BCL2: variants seen among roughly 807,000 people sequenced by gnomAD.
BCL2 encodes the protein apoptosis regulator Bcl-2.
In BCL2, 1 loss-of-function variant was observed where a neutral mutation model predicts 14.2. The ratio of observed to expected loss-of-function variants is 0.07; its 90% CI spans 0.02 to 0.33. BCL2 has a LOEUF of 0.33. Among genes scored for constraint, BCL2 ranks in the 10% least tolerant of loss-of-function variants. BCL2 has a pLI of 0.99. For synonymous variants in BCL2, 151 were observed against 137.2 expected, an observed-to-expected ratio of 1.10 and a Z score of -0.70; for missense variants, 247 against 305.9, an observed-to-expected ratio of 0.81 and a Z score of 1.44.
intron 2 of BCL2, among the ~76,000 whole-genome samples, chr18:63,197,887 A>G (rs1012741632): frequency 6.6e-6 from 1 of 152,220 alleles, no homozygotes; most frequent in Non-Finnish European, 1.5e-5. Flanking sequence ...AAAGAAATAT[A>G]AAACAAACAG....
intron 2 of BCL2, among the ~76,000 whole-genome samples, chr18:63,247,075 A>G (rs190801620): frequency 2.0e-4 from 30 of 152,320 alleles, no homozygotes; most frequent in South Asian, 6.2e-4. Flanking sequence ...CATGATTCCT[A>G]TTGAATTTTC....
intron 2 of BCL2, among the ~76,000 whole-genome samples, chr18:63,182,362 C>T (rs1568226707): frequency 6.6e-6 from 1 of 152,160 alleles, no homozygotes; most frequent in Non-Finnish European, 1.5e-5. Context: ...GAAACAGAGC[C>T]CTGTGAAGAA....
intron 2 of BCL2, among the ~76,000 whole-genome samples, chr18:63,201,804 A>G (rs1184182408): frequency 2.0e-5 from 3 of 152,050 alleles, no homozygotes; most frequent in Admixed American, 1.3e-4. Context: ...TAGGGAGGAG[A>G]ACATCACACA....
At chr18:63,310,603 C>T (rs1465834244) in intron 2 of BCL2, among the ~76,000 whole-genome samples, 2 of 152,086 alleles carry the variant, frequency 1.3e-5, no homozygotes, top group African/African-American at 4.8e-5. Context: ...GACATTTTTT[C>T]GCTTAACTAA....
chr18:63,180,077 C>T (rs1418214679), intron 2 of BCL2, among the ~76,000 whole-genome samples: 1 of 152,236 alleles, frequency 6.6e-6, no homozygotes, highest in Admixed American at 6.5e-5. Context: ...CACTATGCTT[C>T]ACCTGATTAG....
chr18:63,218,537 C>T (rs1287166254), intron 2 of BCL2, among the ~76,000 whole-genome samples: 1 of 146,062 alleles, frequency 6.8e-6, no homozygotes, highest in African/African-American at 2.5e-5. Context: ...TATCTCTCCA[C>T]AACCTCCCTG....
chr18:63,254,629 T>C (rs1911418200), intron 2 of BCL2, among the ~76,000 whole-genome samples: 1 of 152,118 alleles, frequency 6.6e-6, no homozygotes, highest in African/African-American at 2.4e-5. Context: ...TCAATACCAG[T>C]TTTTTATAGC....
chr18:63,233,326 C>G (rs903898123), intron 2 of BCL2, among the ~76,000 whole-genome samples: 2 of 152,218 alleles, frequency 1.3e-5, no homozygotes, highest in Admixed American at 6.5e-5. Flanking sequence ...AACATAACTT[C>G]AAGTGATAAA....
intron 2 of BCL2, among the ~76,000 whole-genome samples, chr18:63,226,923 A>T (rs895311553): frequency 6.6e-6 from 1 of 152,222 alleles, no homozygotes; most frequent in Non-Finnish European, 1.5e-5. Context: ...AGATAGATAA[A>T]TAGAGGACTG....
intron 2 of BCL2, among the ~76,000 whole-genome samples, chr18:63,258,267 T>C (rs373421218): frequency 1.6e-4 from 25 of 152,334 alleles, no homozygotes; most frequent in East Asian, 9.6e-4. Flanking sequence ...TAAATTTCTA[T>C]TGTTTTAAGC....
At chr18:63,310,633 T>C (rs1913285158) in intron 2 of BCL2, among the ~76,000 whole-genome samples, 1 of 152,214 alleles carries the variant, frequency 6.6e-6, no homozygotes, top group African/African-American at 2.4e-5. Flanking sequence ...CATAGAGCTT[T>C]GCATGGTGTA....
Position 63,274,277 on chromosome 18 carries a change from C to CTTTTTTT in BCL2, c.585+43798_585+43804dup, listed in dbSNP as rs74169950. Among the ~76,000 whole-genome samples, 353 of 86,744 alleles carry CTTTTTTT rather than the reference C, an allele frequency of 4.1e-3. 16 individuals are homozygous for CTTTTTTT. Among genetic ancestry groups the CTTTTTTT allele is most frequent in the African/African-American group, 0.01 (240 of 22,972 alleles). 56.9% of individuals were successfully genotyped at this position (86,744 alleles called of 152,430 possible). ...GGAGTCAAGCTTTTATAAAGATACT[C>CTTTTTTT]TTTTTTTTTTTTTTTTTTTTTTTGA... is the stretch of plus-strand genomic sequence containing the variant. On this transcript the variant is annotated intron_variant, in intron 2 of 2. Coordinates refer to ENST00000333681, the MANE Select transcript of BCL2 (RefSeq NM_000633.3).
At chr18:63,201,843 G>A (rs1397657208) in intron 2 of BCL2, among the ~76,000 whole-genome samples, 2 of 152,130 alleles carry the variant, frequency 1.3e-5, no homozygotes, top group African/African-American at 4.8e-5. Flanking sequence ...TGGGGGTCTA[G>A]GGGAGGGATA....
chr18:63,228,311 T>C (rs1910600413), intron 2 of BCL2, among the ~76,000 whole-genome samples: 1 of 152,218 alleles, frequency 6.6e-6, no homozygotes, highest in Non-Finnish European at 1.5e-5. Context: ...GACACAAACA[T>C]TCAGTTTATA....
intron 2 of BCL2, among the ~76,000 whole-genome samples, chr18:63,195,090 C>T (rs1315221844): frequency 6.6e-6 from 1 of 152,156 alleles, no homozygotes; most frequent in Non-Finnish European, 1.5e-5. Flanking sequence ...GGATGGAAAT[C>T]GACCAGAGTG....
At chr18:63,271,324 C>A (rs908410703) in intron 2 of BCL2, among the ~76,000 whole-genome samples, 11 of 152,154 alleles carry the variant, frequency 7.2e-5, no homozygotes, top group African/African-American at 2.7e-4. Flanking sequence ...TCATCATTAA[C>A]CCCTTCTCCA....
intron 2 of BCL2, among the ~76,000 whole-genome samples, chr18:63,188,602 T>G (rs1399030869): frequency 1.3e-5 from 2 of 152,188 alleles, no homozygotes; most frequent in Non-Finnish European, 2.9e-5. Flanking sequence ...TTAACAAATG[T>G]AAGAAAGCAA....
chr18:63,298,773 T>C (rs1912871904), intron 2 of BCL2, among the ~76,000 whole-genome samples: 1 of 152,216 alleles, frequency 6.6e-6, no homozygotes, highest in Admixed American at 6.5e-5. Context: ...GCCATTGTTA[T>C]TTCTACTAAG....
At chr18:63,300,738 C>A (rs556580303) in intron 2 of BCL2, among the ~76,000 whole-genome samples, 1 of 152,172 alleles carries the variant, frequency 6.6e-6, no homozygotes, top group African/African-American at 2.4e-5. Flanking sequence ...TCCTGTGCTA[C>A]GATCCAGCGA....
Sources: allele counts gnomAD v4.1 joint callset (sites outside exome capture counted in the v4.1 genomes callset), GRCh38; gene constraint gnomAD v4.1.1; transcripts MANE v1.5; gene names NCBI Gene and HGNC (gene_info 2026-07-23, HGNC 2026-07-21).